The following PKIA variants were observed in gnomAD, a reference collection of about 807,000 sequenced individuals.
The protein encoded by PKIA is PKI-alpha.
PKIA carries 4 observed loss-of-function variants against 7.6 expected under a neutral mutation model. The observed-to-expected ratio is 0.52, with a 90% CI of 0.26 to 1.20. PKIA has a LOEUF of 1.20. PKIA is among the 50% of genes most tolerant of loss of function. The pLI is 0.13. For missense variants in PKIA, 73 were observed against 86.2 expected, an observed-to-expected ratio of 0.85 and a Z score of 0.61; for synonymous variants, 21 against 30.7, an observed-to-expected ratio of 0.68 and a Z score of 1.04.
intron 1 of PKIA, among the ~76,000 whole-genome samples, chr8:78,567,414 G>A (rs1807441188): frequency 6.6e-6 from 1 of 151,878 alleles, no homozygotes; most frequent in Admixed American, 6.6e-5. Flanking sequence ...TGACAATTTT[G>A]GATAATACTG....
intron 2 of PKIA, among the ~76,000 whole-genome samples, chr8:78,574,326 A>G (rs183144360): frequency 1.3e-5 from 2 of 152,072 alleles, no homozygotes; most frequent in African/African-American, 2.4e-5. Flanking sequence ...GCTTTTTGCT[A>G]TAGTCACCTT....
At chr8:78,588,806 T>C (rs1808022219) in intron 2 of PKIA, among the ~76,000 whole-genome samples, 1 of 149,176 alleles carries the variant, frequency 6.7e-6, no homozygotes, top group African/African-American at 2.5e-5. Context: ...TATATGGGAG[T>C]AAATGAAAGA....
intron 1 of PKIA, among the ~76,000 whole-genome samples, chr8:78,565,067 A>G (rs549649018): frequency 1.3e-5 from 2 of 152,030 alleles, no homozygotes; most frequent in South Asian, 4.1e-4. Context: ...TCTGATTATT[A>G]CGTCTTACAT....
chr8:78,565,870 C>T (rs1210766446), intron 1 of PKIA, among the ~76,000 whole-genome samples: 4 of 151,970 alleles, frequency 2.6e-5, no homozygotes, highest in Non-Finnish European at 5.9e-5. Flanking sequence ...CATAGGGTAA[C>T]ACCTGTTATC....
rs1487665646 is a variant in PKIA, at chr8:78,524,636, C to A, written c.-157+8168C>A. On this transcript the variant is annotated intron_variant, in intron 1 of 3. Transcript: ENST00000396418. Reference sequence around the variant, plus strand: ...AGTTGGCTAAGATACAGCTGGTGATCCTGTAGAAATCTAAATTACATTTTT... The same window carrying A: ...AGTTGGCTAAGATACAGCTGGTGATACTGTAGAAATCTAAATTACATTTTT... 2.0e-5 allele frequency among the ~76,000 whole-genome samples: 3 copies of A among 151,866 alleles called. No homozygotes were observed. The East Asian group carries it at 5.8e-4, about 29-fold the overall frequency.
At chr8:78,528,761 G>A (rs979102895) in intron 1 of PKIA, among the ~76,000 whole-genome samples, 5 of 151,314 alleles carry the variant, frequency 3.3e-5, no homozygotes. Context: ...GAGGCCAAGA[G>A]TTAGAGAACA....
At chr8:78,589,293 A>G (rs1808036874) in intron 2 of PKIA, among the ~76,000 whole-genome samples, 1 of 152,184 alleles carries the variant, frequency 6.6e-6, no homozygotes, top group Non-Finnish European at 1.5e-5. Flanking sequence ...AGAAAGAAAG[A>G]AATTGTTTTT....
At chr8:78,550,496 C>T (rs761157444) in intron 1 of PKIA, among the ~76,000 whole-genome samples, 3 of 151,954 alleles carry the variant, frequency 2.0e-5, no homozygotes, top group Non-Finnish European at 4.4e-5. Flanking sequence ...AACCTGCCGG[C>T]AGTTCATCAA....
intron 1 of PKIA, among the ~76,000 whole-genome samples, chr8:78,564,801 A>G (rs1314182486): frequency 2.0e-5 from 3 of 151,966 alleles, no homozygotes; most frequent in Non-Finnish European, 1.5e-5. Context: ...CATTAAAATT[A>G]TAATTATGAG....
At chr8:78,537,178 T>C (rs1428674967) in intron 1 of PKIA, among the ~76,000 whole-genome samples, 1 of 122,928 alleles carries the variant, frequency 8.1e-6, no homozygotes, top group Non-Finnish European at 1.8e-5. Context: ...TTTAGTTTAG[T>C]TTTTTTTTTT....
chr8:78,525,275 C>T (rs1467360786), intron 1 of PKIA, among the ~76,000 whole-genome samples: 3 of 151,244 alleles, frequency 2.0e-5, no homozygotes, highest in Non-Finnish European at 4.4e-5. Flanking sequence ...TATTAGTCAG[C>T]ACTTCTTTTG....
intron 1 of PKIA, among the ~76,000 whole-genome samples, chr8:78,568,423 G>C (rs1445312135): frequency 6.6e-6 from 1 of 152,120 alleles, no homozygotes; most frequent in Non-Finnish European, 1.5e-5. Context: ...TCAATTTATA[G>C]CCAGCAGCAC....
At chr8:78,547,641 A>G (rs74842078) in intron 1 of PKIA, among the ~76,000 whole-genome samples, 3,107 of 152,320 alleles carry the variant, frequency 0.02, 37 homozygotes, top group Middle Eastern at 0.041. Context: ...TAAGATGAGT[A>G]GTTAATGACT....
intron 1 of PKIA, among the ~76,000 whole-genome samples, chr8:78,524,022 G>GTTTATATAAACGTTTATATATATAAA (rs1809477848): frequency 1.5e-5 from 1 of 65,442 alleles, no homozygotes; most frequent in Non-Finnish European, 2.8e-5. Context: ...ATATATAAAC[G>GTTTATATAAACGTTTATATATATAAA]TTTATATAAA....
At chr8:78,593,411 A>C (rs1808151637) in intron 2 of PKIA, among the ~76,000 whole-genome samples, 1 of 152,106 alleles carries the variant, frequency 6.6e-6, no homozygotes, top group South Asian at 2.1e-4. Context: ...ATGAGCCACC[A>C]TGCCTGGCCT....
chr8:78,542,916 C>G (rs1238245657), intron 1 of PKIA, among the ~76,000 whole-genome samples: 1 of 152,144 alleles, frequency 6.6e-6, no homozygotes, highest in Non-Finnish European at 1.5e-5. Flanking sequence ...AAGGCTGTCA[C>G]CACCTGCTGA....
intron 2 of PKIA, among the ~76,000 whole-genome samples, chr8:78,592,491 T>C (rs1585927712): frequency 6.6e-6 from 1 of 152,146 alleles, no homozygotes; most frequent in East Asian, 1.9e-4. Context: ...TAAAAATATA[T>C]TTCAACTTTA....
At chr8:78,529,368 C>G (rs1270701774) in intron 1 of PKIA, among the ~76,000 whole-genome samples, 1 of 151,960 alleles carries the variant, frequency 6.6e-6, no homozygotes, top group Non-Finnish European at 1.5e-5. Flanking sequence ...GGCAACAATT[C>G]TATAGTATTT....
chr8:78,597,208 A>C (rs996065207), intron 2 of PKIA, among the ~76,000 whole-genome samples: 8 of 152,058 alleles, frequency 5.3e-5, no homozygotes, highest in Non-Finnish European at 7.4e-5. Flanking sequence ...TTTTTTTCTA[A>C]TTCTGTGGAA....
Sources: allele counts gnomAD v4.1 joint callset (sites outside exome capture counted in the v4.1 genomes callset), GRCh38; gene constraint gnomAD v4.1.1; transcripts MANE v1.5; gene names NCBI Gene and HGNC (gene_info 2026-07-23, HGNC 2026-07-21).